The following TNN variants were observed in gnomAD, a reference collection of about 807,000 sequenced individuals.
TNN encodes the protein tenascin-N.
TNN carries 122 observed loss-of-function variants against 134.4 expected under a neutral mutation model. The ratio of observed to expected loss-of-function variants is 0.91; its 90% CI spans 0.78 to 1.06. The LOEUF (loss-of-function observed/expected upper bound fraction) is 1.06, where lower values mean the gene tolerates loss of function less well. TNN is among the 50% of genes least tolerant of loss of function. TNN has a pLI of 0.00. For synonymous variants in TNN, 710 were observed against 670.3 expected (o/e 1.06, Z -0.91); for missense variants, 1,739 against 1,699.4 (o/e 1.02, Z -0.41).
chr1:175,097,630 G>A lies in TNN; in HGVS notation c.1802G>A (p.Trp601Ter). The change falls in exon 8 of 19, where the codon TGG becomes TAG. Residue 601 changes from tryptophan (W) to a stop codon, truncating the protein, a stop_gained. Coordinates refer to ENST00000239462, the MANE Select transcript of TNN (RefSeq NM_022093.2). LOFTEE classifies it high-confidence loss of function. Reference sequence around the variant, plus strand: ...GGTGTGGAGTACACAGTGCATGTCTGGGCCCAGAAGGGGGACCGAGAGAGC... The same window carrying A: ...GGTGTGGAGTACACAGTGCATGTCTAGGCCCAGAAGGGGGACCGAGAGAGC... The part of the protein sequence containing the change: ...RPGVEYTVHV[W>*]AQKGDRESKK... The A allele has an allele frequency of 1.2e-6, 2 of 1,614,214 alleles. No homozygotes were observed. Among genetic ancestry groups the A allele is most frequent in the Non-Finnish European group, 1.7e-6 (2 of 1,180,042 alleles).
At chr1:175,069,353 AG>A (rs1673869748) in intron 1 of TNN, among the ~76,000 whole-genome samples, 1 of 152,236 alleles carries the variant, frequency 6.6e-6, no homozygotes, top group African/African-American at 2.4e-5. Context: ...CCAGGAGAGA[AG>A]GGAAGAAGGC....
rs180943601 is a variant in TNN, at chr1:175,102,988, A to G, written c.2119+4393A>G. On this transcript the variant is annotated intron_variant, in intron 9 of 18. Coordinates refer to ENST00000239462, the MANE Select transcript of TNN (RefSeq NM_022093.2). Reference sequence around the variant, plus strand: ...CAGTTGCGGTGTCCTTCAGAGGGGAACTCTCTAGGCCAGGGGAAGTGCCAG... The same window carrying G: ...CAGTTGCGGTGTCCTTCAGAGGGGAGCTCTCTAGGCCAGGGGAAGTGCCAG... Among the ~76,000 whole-genome samples the G allele has an allele frequency of 5.4e-3, 785 of 145,892 alleles. 63 individuals carry two copies. The highest frequency in any genetic ancestry group is 0.019 in the African/African-American group (751 of 40,588).
At chr1:175,096,356 T>C (rs1445849234) in intron 7 of TNN, among the ~76,000 whole-genome samples, 1 of 152,234 alleles carries the variant, frequency 6.6e-6, no homozygotes. Context: ...TAGTGAAGGA[T>C]AAGCCAGCTC....
chr1:175,142,608 ATTTCTTTTTTCT>A (rs1474248115), intron 17 of TNN, among the ~76,000 whole-genome samples: 1 of 147,160 alleles, frequency 6.8e-6, no homozygotes, highest in African/African-American at 2.5e-5. Flanking sequence ...AATAATTTGC[ATTTCTTTTTTCT>A]TTTCTTTTTT....
At chr1:175,078,806 G>C (rs1365459487) in intron 2 of TNN, among the ~76,000 whole-genome samples, 1 of 152,168 alleles carries the variant, frequency 6.6e-6, no homozygotes. Context: ...TTGAGAGTAG[G>C]CTATTTTGTA....
chr1:175,091,979 C>A (rs1156455037), intron 6 of TNN, among the ~76,000 whole-genome samples: 1 of 152,154 alleles, frequency 6.6e-6, no homozygotes, highest in Non-Finnish European at 1.5e-5. Flanking sequence ...GTAGCAAGCA[C>A]CAATCTGGGG....
Position 175,147,020 on chromosome 1 carries a change from T to A in TNN, c.3849T>A (p.Pro1283=), listed in dbSNP as rs868060505. ...GCCCTCATGGCTACAGCAGGGAGCC[T>A]GTCCTGGGCAGAAAGAAGCGGACGC... is the stretch of plus-strand genomic sequence containing the variant. ...KIRPHGYSRE[P]VLGRKKRTLR... is the part of the protein sequence containing the mutation. Residue 1283 remains proline, a synonymous_variant, in exon 19 of 19, where the codon CCT becomes CCA. Transcript: ENST00000239462. The A allele has an allele frequency of 8.1e-6, 13 of 1,602,624 alleles. No homozygotes were observed. Among genetic ancestry groups the A allele is most frequent in the Non-Finnish European group, 1.1e-5 (13 of 1,173,562 alleles).
chr1:175,137,363 A>AGT (rs36158819), intron 17 of TNN, among the ~76,000 whole-genome samples: 1,129 of 62,668 alleles, frequency 0.018, 12 homozygotes, highest in African/African-American at 0.043. Context: ...TCTGCACAGT[A>AGT]GTGTGTGTGT....
chr1:175,120,583 A>C (rs773959808), intron 11 of TNN, among the ~76,000 whole-genome samples: 7 of 152,182 alleles, frequency 4.6e-5, no homozygotes, highest in Non-Finnish European at 1.0e-4. Flanking sequence ...CATTGTAGCC[A>C]GTGGGAAGAG....
Position 175,126,947 on chromosome 1 carries a change from A to G in TNN, c.2915-8A>G, listed in dbSNP as rs1474914248. ...AGTAATAACAATTACCTGACTTTCT[A>G]CGTACAGAACTCGACCCTCCCAGAA... On this transcript the variant is annotated splice_region_variant and splice_polypyrimidine_tract_variant and intron_variant, in intron 12 of 18. Coordinates refer to ENST00000239462, the MANE Select transcript of TNN (RefSeq NM_022093.2). 1.3e-5 allele frequency: 21 copies of G among 1,601,342 alleles called. No homozygotes were observed. The highest frequency in any genetic ancestry group is 7.1e-5 in the Admixed American group (4 of 56,152).
rs757564360 is a variant in TNN at position 175,119,629 on chromosome 1, C to CTTTTTT, written c.2650+808_2650+813dup. On this transcript the variant is annotated intron_variant, in intron 11 of 18. Coordinates refer to ENST00000239462, the MANE Select transcript of TNN (RefSeq NM_022093.2). ...CCAGTGGGAGCAGTCCCATGAATGC[C>CTTTTTT]TTTTTTTTCTTTTTTTTTTTTTTTT... Among the ~76,000 whole-genome samples the CTTTTTT allele has an allele frequency of 7.3e-4, 97 of 133,498 alleles. 2 individuals are homozygous for CTTTTTT. The highest frequency in any genetic ancestry group is 4.1e-3 in the East Asian group (18 of 4,348). The allele number at this position is 133,498 out of a possible 152,430, so 87.6% of individuals were successfully genotyped here. A position where few individuals can be genotyped will look rare whatever the true frequency, so the allele number is the denominator to read the frequency against.
intron 6 of TNN, among the ~76,000 whole-genome samples, chr1:175,087,968 C>A (rs1454822786): frequency 6.6e-6 from 1 of 152,168 alleles, no homozygotes; most frequent in South Asian, 2.1e-4. Flanking sequence ...GGTGAAGAAC[C>A]AGATGGAAGA....
rs756402472 is a variant in TNN at position 175,083,751 on chromosome 1, C to A, written c.1050C>A (p.Asp350Glu). The A allele has an allele frequency of 1.2e-6, 2 of 1,613,968 alleles. No individual in the cohort carries two copies. The highest frequency in any genetic ancestry group is 2.2e-5 in the East Asian group (1 of 44,886). The change falls in exon 5 of 19, where the codon GAC becomes GAA. Residue 350 changes from aspartate to glutamate, a missense_variant and splice_region_variant. Coordinates refer to ENST00000239462, the MANE Select transcript of TNN (RefSeq NM_022093.2). ...SSPQHLLATT[D>E]LAVLGTAWVT... ...TTGCCTCCGTCACCCCTGCCCTAGACCTTGCTGTGCTTGGCACTGCCTGGG... is the reference window on the plus strand; with the variant it reads ...TTGCCTCCGTCACCCCTGCCCTAGAACTTGCTGTGCTTGGCACTGCCTGGG...
At chr1:175,081,356 A>C (rs780864372) in intron 4 of TNN, among the ~76,000 whole-genome samples, 1 of 152,240 alleles carries the variant, frequency 6.6e-6, no homozygotes, top group Non-Finnish European at 1.5e-5. Flanking sequence ...AGTTGGTTGA[A>C]TGACTAACTC....
At chr1:175,127,174 C>T (rs955854905) in intron 13 of TNN, 89 bp downstream of exon 13, 28 of 1,495,630 alleles carry the variant, frequency 1.9e-5, no homozygotes, top group South Asian at 2.5e-5. Flanking sequence ...GCTGGCCTCA[C>T]GGCAACTTGC....
rs781503358 is a variant in TNN, at chr1:175,097,623, C to T, written c.1795C>T (p.His599Tyr). The T allele has an allele frequency of 4.5e-5, 73 of 1,614,064 alleles. No individual in the cohort carries two copies. Among genetic ancestry groups the T allele is most frequent in the Non-Finnish European group, 5.8e-5 (69 of 1,180,040 alleles). Reference protein sequence around the residue: ...GLRPGVEYTVHVWAQKGDRES... With the variant: ...GLRPGVEYTVYVWAQKGDRES... Reference sequence around the variant, plus strand: ...GAGGCCAGGTGTGGAGTACACAGTGCATGTCTGGGCCCAGAAGGGGGACCG... The same window carrying T: ...GAGGCCAGGTGTGGAGTACACAGTGTATGTCTGGGCCCAGAAGGGGGACCG... Residue 599 changes from histidine (H) to tyrosine (Y), a missense_variant, in exon 8 of 19, where the codon CAT becomes TAT. Physicochemically the swap from His to Tyr is moderately conservative, Grantham distance 83. Transcript: ENST00000239462.
intron 11 of TNN, among the ~76,000 whole-genome samples, chr1:175,120,837 G>A (rs1558367061): frequency 6.6e-6 from 1 of 152,130 alleles, no homozygotes; most frequent in Non-Finnish European, 1.5e-5. Flanking sequence ...GTCTCATTCT[G>A]TTAGCTAGGC....
chr1:175,076,849 G>C (rs1232338359), intron 1 of TNN, among the ~76,000 whole-genome samples: 1 of 152,170 alleles, frequency 6.6e-6, no homozygotes, highest in Non-Finnish European at 1.5e-5. Flanking sequence ...ATTTAAAGTA[G>C]TAGTGCTTCA....
intron 4 of TNN, among the ~76,000 whole-genome samples, chr1:175,082,901 T>C (rs1674230468): frequency 6.6e-6 from 1 of 152,034 alleles, no homozygotes; most frequent in African/African-American, 2.4e-5. Flanking sequence ...TCAAAGACCC[T>C]AGTCCTCCCA....
Sources: gnomAD v4.1 joint callset for allele counts (sites outside exome capture counted in the v4.1 genomes callset) on GRCh38, gnomAD v4.1.1 for gene constraint, MANE v1.5 for transcripts, NCBI Gene and HGNC (gene_info 2026-07-23, HGNC 2026-07-21) for gene names.